Variants in FBXL13 observed in about 807,000 individuals in gnomAD.
The protein encoded by FBXL13 is F-box and leucine-rich repeat protein 13.
Under a neutral mutation model 83.6 loss-of-function variants are expected in FBXL13, and 67 were observed. That is an observed-to-expected ratio of 0.80 (90% CI 0.66 to 0.98). FBXL13 has a LOEUF of 0.98. Among genes scored for constraint, FBXL13 ranks in the 50% least tolerant of loss-of-function variants. The pLI, the probability that FBXL13 is intolerant of heterozygous loss-of-function variation, is 0.00. For synonymous variants in FBXL13, 272 were observed against 299.5 expected (o/e 0.91, Z 0.95); for missense variants, 822 against 866.5 (o/e 0.95, Z 0.64).
intron 19 of FBXL13, among the ~76,000 whole-genome samples, chr7:102,820,213 T>C (rs1254299139): frequency 6.6e-6 from 1 of 152,210 alleles, no homozygotes; most frequent in Non-Finnish European, 1.5e-5. Context: ...TAAAAGGTAG[T>C]GGTGTGGCCT....
intron 5 of FBXL13, 149 bp downstream of exon 6, chr7:103,027,300 A>T: frequency 1.8e-6 from 1 of 554,890 alleles, no homozygotes; most frequent in Non-Finnish European, 3.1e-6. Context: ...CTGTCCCAAA[A>T]AAATAAAAAT....
At position 102,877,574 on chromosome 7, in the gene FBXL13, A is replaced by G. The variant is rs578225817; in HGVS notation, c.1528T>C (p.Leu510=). The G allele has an allele frequency of 4.3e-4, 689 of 1,609,188 alleles. 9 individuals are homozygous for G. In the South Asian group the frequency reaches 7.2e-3, roughly 17 times the overall value. Residue 510 remains leucine (L), a synonymous_variant, in exon 16 of 20, where the codon TTG becomes CTG. Transcript: ENST00000313221. ...AAATGTTCACAATTTCGTAAACTCA[A>G]GTAGTTTAAATTAGGGCAGCTAAAA...
chr7:102,957,903 T>A (rs941223915), intron 8 of FBXL13, among the ~76,000 whole-genome samples: 1 of 152,118 alleles, frequency 6.6e-6, no homozygotes, highest in Non-Finnish European at 1.5e-5. Flanking sequence ...CTGGAGAGGA[T>A]GTGGAGAAAT....
chr7:102,822,063 C>A (rs1223102754), exon 19 of FBXL13: 1 of 1,614,054 alleles, frequency 6.2e-7, no homozygotes, highest in Non-Finnish European at 8.5e-7. Flanking sequence ...TGCAGTATTG[C>A]ATCTTAAGGA....
intron 6 of FBXL13, among the ~76,000 whole-genome samples, chr7:103,009,659 G>C (rs1219546853): frequency 2.0e-5 from 3 of 152,244 alleles, no homozygotes; most frequent in Non-Finnish European, 2.9e-5. Context: ...CCCCAGTAGA[G>C]GCTGCAGTAG....
At chr7:103,000,803 C>A (rs1218867011) in intron 6 of FBXL13, among the ~76,000 whole-genome samples, 2 of 152,146 alleles carry the variant, frequency 1.3e-5, no homozygotes, top group African/African-American at 2.4e-5. Context: ...ATTGTTATAT[C>A]TTCTTACTGA....
intron 15 of FBXL13, among the ~76,000 whole-genome samples, chr7:102,877,863 T>C (rs1809479909): frequency 6.6e-6 from 1 of 152,164 alleles, no homozygotes; most frequent in Admixed American, 6.5e-5. Flanking sequence ...TCAAAAACTA[T>C]CATGTAAGTA....
intron 6 of FBXL13, among the ~76,000 whole-genome samples, chr7:103,019,756 C>T (rs189948292): frequency 1.3e-5 from 2 of 152,272 alleles, no homozygotes; most frequent in African/African-American, 4.8e-5. Flanking sequence ...CACATACACC[C>T]TCCCAAGACT....
chr7:102,993,601 GA>G (rs796232172), intron 6 of FBXL13, among the ~76,000 whole-genome samples: 75 of 143,770 alleles, frequency 5.2e-4, no homozygotes, highest in Middle Eastern at 3.5e-3. Context: ...TACACAGAAG[GA>G]AAAAAAAAAA....
intron 17 of FBXL13, among the ~76,000 whole-genome samples, chr7:102,839,820 T>C (rs1327839242): frequency 1.3e-5 from 2 of 152,030 alleles, no homozygotes; most frequent in Admixed American, 6.6e-5. Context: ...AGGCATAAAC[T>C]ATTCAAATAT....
Position 102,822,209 on chromosome 7 carries a change from CA to C in FBXL13, c.1855-7del. On this transcript the variant is annotated splice_polypyrimidine_tract_variant and splice_region_variant and intron_variant, in intron 18 of 19. Transcript: ENST00000313221. ...TCCATTGCTGAGTCAGTAATCTGAA[CA>C]CAGAGCCAAAGTAAGTACTGGTTAT... The C allele has an allele frequency of 6.2e-7, 1 of 1,613,856 alleles. No individual in the cohort carries two copies.
At chr7:103,016,269 A>C (rs1203830733) in intron 6 of FBXL13, among the ~76,000 whole-genome samples, 2 of 132,704 alleles carry the variant, frequency 1.5e-5, no homozygotes, top group Non-Finnish European at 3.1e-5. Context: ...CTACACTATA[A>C]GGCTATGGTA....
intron 6 of FBXL13, among the ~76,000 whole-genome samples, chr7:103,014,309 C>CAT (rs1307950464): frequency 6.6e-6 from 1 of 152,006 alleles, no homozygotes; most frequent in Non-Finnish European, 1.5e-5. Context: ...GAGCCATGAT[C>CAT]ACACTACTGC....
At chr7:102,958,814 C>T (rs189954401) in intron 8 of FBXL13, among the ~76,000 whole-genome samples, 96 of 151,926 alleles carry the variant, frequency 6.3e-4, no homozygotes, top group African/African-American at 2.2e-3. Flanking sequence ...AATCCAAAGG[C>T]GGATGTGACC....
chr7:103,049,258 A>G (rs554797593), intron 2 of FBXL13, among the ~76,000 whole-genome samples: 1 of 152,308 alleles, frequency 6.6e-6, no homozygotes, highest in Admixed American at 6.5e-5. Flanking sequence ...AAATTCAACA[A>G]TTTTCAAAGG....
At chr7:102,953,773 C>T (rs1002914728) in intron 8 of FBXL13, among the ~76,000 whole-genome samples, 1 of 152,190 alleles carries the variant, frequency 6.6e-6, no homozygotes, top group African/African-American at 2.4e-5. Flanking sequence ...ACTACCATTG[C>T]TATCATGAAA....
intron 11 of FBXL13, among the ~76,000 whole-genome samples, chr7:102,894,210 G>A (rs1045362240): frequency 6.6e-6 from 1 of 152,146 alleles, no homozygotes. Flanking sequence ...GAGAAGGTTG[G>A]AATTTATGTA....
chr7:102,819,404 A>T (rs958069449), intron 19 of FBXL13, among the ~76,000 whole-genome samples: 7 of 152,114 alleles, frequency 4.6e-5, no homozygotes, highest in Admixed American at 4.6e-4. Flanking sequence ...CTTCTGCAGG[A>T]AACTCTCCTG....
At chr7:103,050,355 C>G (rs561508451) in intron 2 of FBXL13, among the ~76,000 whole-genome samples, 212 of 152,300 alleles carry the variant, frequency 1.4e-3, no homozygotes, top group Admixed American at 2.7e-3. Flanking sequence ...CCCTAGCGTC[C>G]CAGCTTGCCA....
Sources: allele counts gnomAD v4.1 joint callset (sites outside exome capture counted in the v4.1 genomes callset), GRCh38; gene constraint gnomAD v4.1.1; transcripts MANE v1.5; gene names NCBI Gene and HGNC (gene_info 2026-07-23, HGNC 2026-07-21).